Variants in GPM6A observed in about 807,000 individuals in gnomAD.
The protein encoded by GPM6A is glycoprotein M6A, also known as neuronal membrane glycoprotein M6-a.
In GPM6A, 7 loss-of-function variants were observed where a neutral mutation model predicts 32.1. The ratio of observed to expected loss-of-function variants is 0.22; its 90% CI spans 0.12 to 0.41. The LOEUF (loss-of-function observed/expected upper bound fraction) is 0.41. GPM6A is among the 10% of genes least tolerant of loss of function. The pLI is 1.00. For synonymous variants in GPM6A, 130 were observed against 123.4 expected (o/e 1.05, Z -0.35); for missense variants, 235 against 347.2 (o/e 0.68, Z 2.57).
rs183207929 is a variant in GPM6A at position 175,681,083 on chromosome 4, T to C, written c.231-7247A>G. On this transcript the variant is annotated intron_variant, in intron 2 of 6. Coordinates refer to ENST00000393658, the MANE Select transcript of GPM6A (RefSeq NM_201591.3). ...TGAATAACTTTGTTCATATGTATTT[T>C]CAAATAATTGAAGATGTATCTTTAG... is the stretch of plus-strand genomic sequence containing the variant. Among the ~76,000 whole-genome samples, 287 of 152,356 alleles carry C rather than the reference T, an allele frequency of 1.9e-3. 1 individual carries two copies. Among genetic ancestry groups the C allele is most frequent in the African/African-American group, 6.6e-3 (273 of 41,584 alleles).
At chr4:175,663,459 C>T (rs1742548267) in intron 3 of GPM6A, among the ~76,000 whole-genome samples, 1 of 152,066 alleles carries the variant, frequency 6.6e-6, no homozygotes, top group African/African-American at 2.4e-5. Context: ...GTCTATTGTA[C>T]AACATGGTCG....
At chr4:175,847,370 C>T (rs1736122237) in intron 1 of GPM6A, among the ~76,000 whole-genome samples, 1 of 152,136 alleles carries the variant, frequency 6.6e-6, no homozygotes, top group African/African-American at 2.4e-5. Context: ...TCCAGAAACA[C>T]ACAATTCATA....
intron 2 of GPM6A, among the ~76,000 whole-genome samples, chr4:175,688,048 T>G (rs1447935669): frequency 6.6e-6 from 1 of 152,146 alleles, no homozygotes; most frequent in Non-Finnish European, 1.5e-5. Flanking sequence ...TTTGTTTTTG[T>G]TTTTTTGCTA....
At chr4:175,912,773 T>G (rs1042231525) in intron 1 of GPM6A, among the ~76,000 whole-genome samples, 11 of 152,130 alleles carry the variant, frequency 7.2e-5, no homozygotes, top group Non-Finnish European at 1.6e-4. Flanking sequence ...ATATTCACAA[T>G]GATAGTGGAT....
At chr4:175,867,175 G>T (rs1476467614) in intron 1 of GPM6A, among the ~76,000 whole-genome samples, 6 of 152,226 alleles carry the variant, frequency 3.9e-5, no homozygotes, top group African/African-American at 1.4e-4. Context: ...TATATCATTT[G>T]CAAATATTTT....
At chr4:175,879,890 G>C (rs1737213537) in intron 1 of GPM6A, among the ~76,000 whole-genome samples, 1 of 152,082 alleles carries the variant, frequency 6.6e-6, no homozygotes, top group African/African-American at 2.4e-5. Flanking sequence ...CACCCACCAA[G>C]TTAAGCAAGA....
At position 175,750,362 on chromosome 4, in the gene GPM6A, G is replaced by A. The variant is rs367694301; in HGVS notation, c.38-48595C>T. ...TGTGAGCCACCACACCTGGCCCTAA[G>A]TGAGCCTATTTCTAAACCAAAGCAT... On this transcript the variant is annotated intron_variant, in intron 1 of 6. Transcript: ENST00000393658. Among the ~76,000 whole-genome samples the A allele has an allele frequency of 9.2e-5, 14 of 152,102 alleles. No homozygotes were observed. The South Asian group carries it at 1.7e-3, about 18-fold the overall frequency.
intron 1 of GPM6A, among the ~76,000 whole-genome samples, chr4:175,774,974 G>T (rs563289120): frequency 1.3e-3 from 195 of 152,018 alleles, no homozygotes; most frequent in African/African-American, 4.5e-3. Flanking sequence ...CCAAAATTTT[G>T]ACCAAAATAT....
intron 2 of GPM6A, among the ~76,000 whole-genome samples, chr4:175,676,749 G>C (rs751636474): frequency 4.0e-5 from 6 of 151,852 alleles, no homozygotes; most frequent in Admixed American, 6.6e-5. Context: ...CTATCTAAAT[G>C]TAAAAAATGT....
chr4:175,671,150 A>T (rs60204411), intron 3 of GPM6A, among the ~76,000 whole-genome samples: 4,389 of 152,148 alleles, frequency 0.029, 81 homozygotes, highest in Non-Finnish European at 0.038. Flanking sequence ...GGTGTGAGCC[A>T]CCACGCCCGG....
intron 1 of GPM6A, among the ~76,000 whole-genome samples, chr4:175,724,451 G>C (rs11943122): frequency 0.25 from 37,963 of 152,028 alleles, 4,837 homozygotes; most frequent in Non-Finnish European, 0.27. Context: ...GGCTAAGGTG[G>C]GGGGAATCGC....
chr4:175,693,578 T>C (rs1744413902), intron 2 of GPM6A, among the ~76,000 whole-genome samples: 1 of 152,042 alleles, frequency 6.6e-6, no homozygotes, highest in South Asian at 2.1e-4. Context: ...GTATTCTTTT[T>C]TGAAAAGATT....
At chr4:175,812,457 C>G (rs982802166), upstream of GPM6A, 49 of 1,263,770 alleles carry the variant, frequency 3.9e-5, no homozygotes, top group Non-Finnish European at 4.9e-5. Context: ...TCAAATTACT[C>G]TTCCGTGAAG....
At chr4:175,778,892 A>T (rs1733504146) in intron 1 of GPM6A, among the ~76,000 whole-genome samples, 1 of 150,804 alleles carries the variant, frequency 6.6e-6, no homozygotes, top group Admixed American at 6.6e-5. Context: ...ATAATCACAT[A>T]TTGATAGCTT....
chr4:175,648,733 A>G (rs1319307075), intron 4 of GPM6A, among the ~76,000 whole-genome samples: 1 of 152,100 alleles, frequency 6.6e-6, no homozygotes, highest in Non-Finnish European at 1.5e-5. Flanking sequence ...CCATCTTTAA[A>G]GCCAGCAACA....
intron 6 of GPM6A, among the ~76,000 whole-genome samples, chr4:175,637,658 AATATATAATATATATAATAT>A: frequency 3.9e-5 from 1 of 25,760 alleles, no homozygotes; most frequent in East Asian, 9.7e-4. Context: ...TAAAATATAA[AATATATAATATATATAATAT>A]ATATATAATA....
chr4:175,786,301 T>TG (rs1491341108), intron 1 of GPM6A, among the ~76,000 whole-genome samples: 1 of 151,532 alleles, frequency 6.6e-6, no homozygotes, highest in Non-Finnish European at 1.5e-5. Flanking sequence ...GTTTTGTTTT[T>TG]TTTTTTTTGA....
chr4:175,651,880 G>A lies in GPM6A; in HGVS notation c.495C>T (p.Thr165=). The A allele has an allele frequency of 1.2e-6, 2 of 1,613,370 alleles. No individual in the cohort carries two copies. The highest frequency in any genetic ancestry group is 1.7e-6 in the Non-Finnish European group (2 of 1,179,522). The change falls in exon 4 of 7, where the codon ACC becomes ACT. Residue 165 remains threonine (T), a synonymous_variant. Coordinates refer to ENST00000393658, the MANE Select transcript of GPM6A (RefSeq NM_201591.3). ...AGAGATTTGCTCCCTCCACTAATGT[G>A]GTGTTCCGGCAGATGGTCCACAGAT... The part of the protein sequence containing the change: ...YFNLWTICRN[T]TLVEGANLCL...
At chr4:175,690,631 G>A (rs1744243607) in intron 2 of GPM6A, among the ~76,000 whole-genome samples, 1 of 152,192 alleles carries the variant, frequency 6.6e-6, no homozygotes, top group Non-Finnish European at 1.5e-5. Context: ...CCAGCAGGTA[G>A]CATCTTGTTT....
Sources: gnomAD v4.1 joint callset for allele counts (sites outside exome capture counted in the v4.1 genomes callset) on GRCh38, gnomAD v4.1.1 for gene constraint, MANE v1.5 for transcripts, NCBI Gene and HGNC (gene_info 2026-07-23, HGNC 2026-07-21) for gene names.